SGCZ: variants seen among roughly 807,000 people sequenced by gnomAD.
SGCZ encodes the protein sarcoglycan zeta, also known as zeta-sarcoglycan.
Under a neutral mutation model 41.3 loss-of-function variants are expected in SGCZ, and 40 were observed. The ratio of observed to expected loss-of-function variants is 0.97; its 90% confidence interval spans 0.75 to 1.26. The LOEUF is 1.26. Ranked by LOEUF, SGCZ falls within the 50% of genes most tolerant of loss-of-function variation. SGCZ has a pLI of 0.00. For synonymous variants in SGCZ, 206 were observed against 137.5 expected (o/e 1.50, Z -3.49); for missense variants, 552 against 369.8 (o/e 1.49, Z -4.04).
At chr8:14,546,375 T>C (rs973302500) in intron 2 of SGCZ, among the ~76,000 whole-genome samples, 2 of 152,294 alleles carry the variant, frequency 1.3e-5, no homozygotes, top group Admixed American at 6.5e-5. Context: ...TGCTTTCTTA[T>C]CGTGGACAAT....
intron 5 of SGCZ, among the ~76,000 whole-genome samples, chr8:14,109,962 C>T (rs955520224): frequency 1.3e-5 from 2 of 152,150 alleles, no homozygotes; most frequent in African/African-American, 2.4e-5. Flanking sequence ...TTCTCTCTCT[C>T]TCTGTCGCTC....
intron 1 of SGCZ, among the ~76,000 whole-genome samples, chr8:14,918,398 G>A (rs940942099): frequency 5.3e-5 from 8 of 151,696 alleles, no homozygotes; most frequent in Non-Finnish European, 8.8e-5. Context: ...TAATTTTCTC[G>A]GGGTCTCTCA....
At chr8:14,444,740 C>A (rs1289965293) in intron 2 of SGCZ, among the ~76,000 whole-genome samples, 1 of 151,806 alleles carries the variant, frequency 6.6e-6, no homozygotes, top group Non-Finnish European at 1.5e-5. Flanking sequence ...TGCAGCACAC[C>A]CGCATGGCAC....
At chr8:14,161,959 G>T (rs545686555) in intron 5 of SGCZ, among the ~76,000 whole-genome samples, 1 of 152,056 alleles carries the variant, frequency 6.6e-6, no homozygotes, top group Non-Finnish European at 1.5e-5. Flanking sequence ...AAGGGAGAGA[G>T]AGAGAAAGAT....
At chr8:14,597,969 A>T (rs1403262619) in intron 1 of SGCZ, among the ~76,000 whole-genome samples, 1 of 152,202 alleles carries the variant, frequency 6.6e-6, no homozygotes, top group East Asian at 1.9e-4. Context: ...TTCATTGCAA[A>T]TAATGTTTTG....
At chr8:14,368,555 G>C (rs999700890) in intron 2 of SGCZ, among the ~76,000 whole-genome samples, 2 of 151,986 alleles carry the variant, frequency 1.3e-5, no homozygotes, top group African/African-American at 2.4e-5. Context: ...TACACTCTTG[G>C]AGGGACGTTG....
chr8:15,000,414 G>A (rs1324502226), intron 1 of SGCZ, among the ~76,000 whole-genome samples: 1 of 152,128 alleles, frequency 6.6e-6, no homozygotes, highest in African/African-American at 2.4e-5. Context: ...AGATAGTAAG[G>A]GTTATGCGAG....
intron 1 of SGCZ, among the ~76,000 whole-genome samples, chr8:15,208,263 T>A (rs1350704326): frequency 6.6e-6 from 1 of 152,182 alleles, no homozygotes; most frequent in African/African-American, 2.4e-5. Context: ...GTGATGCCAT[T>A]GATTATTCCC....
At chr8:14,094,988 C>G (rs370931434) in intron 7 of SGCZ, among the ~76,000 whole-genome samples, 1 of 143,856 alleles carries the variant, frequency 7.0e-6, no homozygotes, top group Admixed American at 6.9e-5. Flanking sequence ...GTTTTTTTTT[C>G]TTGTAACTTT....
intron 2 of SGCZ, among the ~76,000 whole-genome samples, chr8:14,381,092 T>TAAAA (rs71541665): frequency 2.0e-5 from 3 of 149,546 alleles, no homozygotes; most frequent in African/African-American, 7.4e-5. Context: ...GCAAAAGTAG[T>TAAAA]AAAAAAAAAA....
At chr8:14,295,250 A>G (rs1800970093) in intron 3 of SGCZ, among the ~76,000 whole-genome samples, 1 of 152,208 alleles carries the variant, frequency 6.6e-6, no homozygotes, top group Non-Finnish European at 1.5e-5. Flanking sequence ...GTTGCTATTC[A>G]CCCATGAAAG....
chr8:14,593,712 T>A (rs1805313069), intron 1 of SGCZ, among the ~76,000 whole-genome samples: 1 of 152,114 alleles, frequency 6.6e-6, no homozygotes, highest in African/African-American at 2.4e-5. Context: ...AAACCAACTA[T>A]ACATTAGAAC....
At chr8:14,472,441 T>A (rs1021857201) in intron 2 of SGCZ, among the ~76,000 whole-genome samples, 2 of 152,086 alleles carry the variant, frequency 1.3e-5, no homozygotes, top group Non-Finnish European at 1.5e-5. Flanking sequence ...GTTGATGAAC[T>A]CAAGGCTTGA....
intron 1 of SGCZ, among the ~76,000 whole-genome samples, chr8:15,020,045 C>A (rs1343945630): frequency 6.6e-6 from 1 of 151,616 alleles, no homozygotes; most frequent in Non-Finnish European, 1.5e-5. Context: ...AGCGCACGAA[C>A]CAAAATGGAT....
chr8:14,201,271 T>C (rs1348169132), intron 4 of SGCZ, among the ~76,000 whole-genome samples: 1 of 152,126 alleles, frequency 6.6e-6, no homozygotes, highest in African/African-American at 2.4e-5. Context: ...CCTCCCCAGG[T>C]ATTTATGTCA....
At chr8:14,993,768 T>TAGGGACA (rs1802109886) in intron 1 of SGCZ, among the ~76,000 whole-genome samples, 1 of 152,104 alleles carries the variant, frequency 6.6e-6, no homozygotes, top group Non-Finnish European at 1.5e-5. Context: ...AGAAGAATAA[T>TAGGGACA]AGGGACAAGG....
intron 1 of SGCZ, among the ~76,000 whole-genome samples, chr8:14,945,242 T>C (rs1800403278): frequency 6.6e-6 from 1 of 152,104 alleles, no homozygotes; most frequent in Non-Finnish European, 1.5e-5. Flanking sequence ...AAATCATAAA[T>C]AAGACAAACT....
At chr8:14,746,711 C>A (rs1464787965) in intron 1 of SGCZ, among the ~76,000 whole-genome samples, 1 of 152,166 alleles carries the variant, frequency 6.6e-6, no homozygotes, top group Non-Finnish European at 1.5e-5. Flanking sequence ...TATATGGTGA[C>A]TCCTAAGTCT....
intron 1 of SGCZ, chr8:14,853,620 C>G: frequency 2.7e-6 from 1 of 370,842 alleles, no homozygotes; most frequent in South Asian, 1.9e-5. Flanking sequence ...TTGCTTTGTC[C>G]TTTAAAGAAC....
Sources: gnomAD v4.1 joint callset for allele counts (sites outside exome capture counted in the v4.1 genomes callset) on GRCh38, gnomAD v4.1.1 for gene constraint, MANE v1.5 for transcripts, NCBI Gene and HGNC (gene_info 2026-07-23, HGNC 2026-07-21) for gene names.